Variants in ANO3 observed in about 807,000 individuals in gnomAD.
ANO3 encodes the protein anoctamin-3.
A neutral mutation model predicts 144.8 loss-of-function variants in ANO3; 99 were observed. That is an observed-to-expected ratio of 0.68 (90% CI 0.58 to 0.81). The LOEUF is 0.81. Among genes scored for constraint, ANO3 ranks in the 30% least tolerant of loss-of-function variants. The pLI, the probability that ANO3 is intolerant of heterozygous loss-of-function variation, is 0.00. For synonymous variants in ANO3, 414 were observed against 392.6 expected, an observed-to-expected ratio of 1.05 and a Z score of -0.64; for missense variants, 905 against 1,202.2, an observed-to-expected ratio of 0.75 and a Z score of 3.66.
intron 14 of ANO3, among the ~76,000 whole-genome samples, chr11:26,579,241 G>A (rs564785463): frequency 6.6e-6 from 1 of 152,260 alleles, no homozygotes; most frequent in South Asian, 2.1e-4. Flanking sequence ...ATTTGTTTCT[G>A]TCTAGTTAGA....
At chr11:26,491,258 T>G (rs1325907607) in intron 4 of ANO3, among the ~76,000 whole-genome samples, 1 of 152,184 alleles carries the variant, frequency 6.6e-6, no homozygotes, top group Non-Finnish European at 1.5e-5. Flanking sequence ...GTTATAAATT[T>G]TAAGAATGAA....
At chr11:26,363,123 AT>A (rs553782577) in intron 1 of ANO3, among the ~76,000 whole-genome samples, 4 of 152,274 alleles carry the variant, frequency 2.6e-5, no homozygotes, top group African/African-American at 4.8e-5. Flanking sequence ...TATTTTACAG[AT>A]TTTTTTAGTT....
intron 3 of ANO3, among the ~76,000 whole-genome samples, chr11:26,453,494 T>G (rs1415265476): frequency 1.3e-5 from 2 of 152,118 alleles, no homozygotes; most frequent in Non-Finnish European, 2.9e-5. Context: ...GGCCATTACA[T>G]AATGGTAAAG....
intron 4 of ANO3, among the ~76,000 whole-genome samples, chr11:26,479,529 C>T (rs1443115681): frequency 1.3e-5 from 2 of 152,028 alleles, no homozygotes; most frequent in South Asian, 2.1e-4. Context: ...AGAGTTTGGG[C>T]AGGGGAACTC....
At chr11:26,431,318 A>T (rs1203175408) in intron 1 of ANO3, among the ~76,000 whole-genome samples, 5 of 152,242 alleles carry the variant, frequency 3.3e-5, no homozygotes, top group African/African-American at 1.2e-4. Flanking sequence ...GTACATGTGC[A>T]GGTTTGTTAC....
intron 1 of ANO3, among the ~76,000 whole-genome samples, chr11:26,204,019 G>A (rs1400511250): frequency 2.0e-5 from 3 of 152,058 alleles, no homozygotes; most frequent in Non-Finnish European, 4.4e-5. Flanking sequence ...AGAACATAAA[G>A]GTGTCATATG....
intron 1 of ANO3, among the ~76,000 whole-genome samples, chr11:26,235,002 A>AAGAGAGAGAGAGAGAGAG (rs10694750): frequency 0.034 from 4,820 of 140,096 alleles, 133 homozygotes; most frequent in Middle Eastern, 0.052. Flanking sequence ...AGAGAAAAGA[A>AAGAGAGAGAGAGAGAGAG]AGAGAGAGAG....
At chr11:26,391,362 A>C (rs2133962623) in intron 1 of ANO3, among the ~76,000 whole-genome samples, 1 of 152,220 alleles carries the variant, frequency 6.6e-6, no homozygotes, top group African/African-American at 2.4e-5. Context: ...TAAATGAATT[A>C]ATCCATTCAT....
At chr11:26,641,333 A>C (rs900644010) in intron 21 of ANO3, among the ~76,000 whole-genome samples, 1 of 152,208 alleles carries the variant, frequency 6.6e-6, no homozygotes, top group African/African-American at 2.4e-5. Context: ...GCTAAAAATC[A>C]CACGGCTAAT....
At chr11:26,642,167 C>A in intron 22 of ANO3, 138 bp downstream of exon 22, 2 of 874,828 alleles carry the variant, frequency 2.3e-6, no homozygotes, top group Non-Finnish European at 3.4e-6. Context: ...GCACCTTCAT[C>A]TCAAGGAGCT....
At chr11:26,530,451 A>ATCTG (rs747800589) in intron 7 of ANO3, among the ~76,000 whole-genome samples, 103 of 142,110 alleles carry the variant, frequency 7.2e-4, no homozygotes, top group Middle Eastern at 3.4e-3. Flanking sequence ...TCTATCATCT[A>ATCTG]TCTGTCTGTC....
intron 1 of ANO3, among the ~76,000 whole-genome samples, chr11:26,274,025 C>T (rs184720461): frequency 6.6e-6 from 1 of 151,216 alleles, no homozygotes; most frequent in Admixed American, 6.6e-5. Context: ...CAGAAACCAT[C>T]CGGGACATGG....
intron 1 of ANO3, among the ~76,000 whole-genome samples, chr11:26,289,448 A>G (rs994590530): frequency 1.9e-4 from 28 of 149,472 alleles, no homozygotes; most frequent in African/African-American, 6.8e-4. Flanking sequence ...CTTAATATAT[A>G]TATAGCACTG....
upstream of ANO3, chr11:26,332,079 A>G (rs1311879345): frequency 6.2e-6 from 9 of 1,441,616 alleles, no homozygotes; most frequent in Non-Finnish European, 5.5e-6. Context: ...GCCGGACGCT[A>G]GACCGCCCTC....
chr11:26,653,020 C>T (rs1056875293), intron 24 of ANO3, among the ~76,000 whole-genome samples: 1 of 152,196 alleles, frequency 6.6e-6, no homozygotes, highest in Admixed American at 6.5e-5. Flanking sequence ...GCTAGTTCTC[C>T]TCATCTCTCA....
intron 1 of ANO3, among the ~76,000 whole-genome samples, chr11:26,420,900 A>T (rs2133997489): frequency 6.6e-6 from 1 of 152,230 alleles, no homozygotes; most frequent in Middle Eastern, 3.4e-3. Flanking sequence ...GTAGATATGA[A>T]AATAAGTGAA....
chr11:26,656,278 A>T, intron 25 of ANO3, 73 bp downstream of exon 25: 2 of 1,488,664 alleles, frequency 1.3e-6, no homozygotes, highest in Non-Finnish European at 1.9e-6. Context: ...TAATGAGGAC[A>T]TTTAAACTGT....
intron 1 of ANO3, among the ~76,000 whole-genome samples, chr11:26,333,710 A>G (rs1179025229): frequency 6.6e-6 from 1 of 152,212 alleles, no homozygotes; most frequent in African/African-American, 2.4e-5. Context: ...TACTCAGTTC[A>G]AGCCCAAGTT....
chr11:26,489,331 C>T (rs554055372), intron 4 of ANO3, among the ~76,000 whole-genome samples: 8 of 152,280 alleles, frequency 5.3e-5, no homozygotes, highest in African/African-American at 9.6e-5. Context: ...TGGGAACCTC[C>T]GCCTAGATGT....
Sources: allele counts gnomAD v4.1 joint callset (sites outside exome capture counted in the v4.1 genomes callset), GRCh38; gene constraint gnomAD v4.1.1; transcripts MANE v1.5; gene names NCBI Gene and HGNC (gene_info 2026-07-23, HGNC 2026-07-21).